Variants in CTNND2 observed in about 807,000 individuals in gnomAD.
CTNND2 encodes the protein catenin delta-2.
A neutral mutation model predicts 144.4 loss-of-function variants in CTNND2; 22 were observed. The observed-to-expected ratio is 0.15, with a 90% CI of 0.11 to 0.22. The LOEUF is 0.22. Among genes scored for constraint, CTNND2 ranks in the 10% least tolerant of loss-of-function variants. The pLI is 1.00. For synonymous variants in CTNND2, 751 were observed against 695.6 expected (o/e 1.08, Z -1.25); for missense variants, 1,353 against 1,618.8 (o/e 0.84, Z 2.82).
At chr5:11,141,391 T>C (rs1431286120) in intron 12 of CTNND2, among the ~76,000 whole-genome samples, 2 of 152,204 alleles carry the variant, frequency 1.3e-5, no homozygotes, top group African/African-American at 4.8e-5. Flanking sequence ...TGGCTTTACC[T>C]GTTTTCTATG....
chr5:11,137,903 T>C (rs1244960203), intron 12 of CTNND2, among the ~76,000 whole-genome samples: 1 of 152,206 alleles, frequency 6.6e-6, no homozygotes, highest in African/African-American at 2.4e-5. Flanking sequence ...CAGACTAAAG[T>C]AACATAAATT....
chr5:11,740,197 T>C lies in CTNND2; in HGVS notation c.38-7925A>G, dbSNP rs1490521146. Among the ~76,000 whole-genome samples, 3 of 152,216 alleles carry C rather than the reference T, an allele frequency of 2.0e-5. No individual in the cohort carries two copies. The East Asian group carries it at 5.8e-4, about 29-fold the overall frequency. On this transcript the variant is annotated intron_variant, in intron 1 of 21. Coordinates refer to ENST00000304623, the MANE Select transcript of CTNND2 (RefSeq NM_001332.4). ...AGAATTGGAAAAAACTACTTTAAAG[T>C]TCATATGGAACCAAAAAAGAGCCCA...
chr5:11,253,285 C>A (rs906862196), intron 9 of CTNND2, among the ~76,000 whole-genome samples: 1 of 152,078 alleles, frequency 6.6e-6, no homozygotes, highest in Non-Finnish European at 1.5e-5. Context: ...TTGTGAGTTA[C>A]CTGTGATTTA....
chr5:11,731,016 T>A (rs962805306), intron 2 of CTNND2, among the ~76,000 whole-genome samples: 1 of 152,144 alleles, frequency 6.6e-6, no homozygotes, highest in Non-Finnish European at 1.5e-5. Flanking sequence ...CAGAAAACTC[T>A]CAAGAGTGAG....
chr5:11,683,107 C>T (rs1408736162), intron 2 of CTNND2, among the ~76,000 whole-genome samples: 2 of 152,176 alleles, frequency 1.3e-5, no homozygotes, highest in Non-Finnish European at 2.9e-5. Context: ...GTTTGCACTG[C>T]TAATTTATCG....
At chr5:11,402,814 G>A (rs558798080) in intron 5 of CTNND2, among the ~76,000 whole-genome samples, 1 of 152,150 alleles carries the variant, frequency 6.6e-6, no homozygotes, top group African/African-American at 2.4e-5. Context: ...TATCTATTTC[G>A]TCTGGTCAGT....
intron 11 of CTNND2, among the ~76,000 whole-genome samples, chr5:11,179,949 C>T (rs1446880631): frequency 6.6e-6 from 1 of 152,178 alleles, no homozygotes; most frequent in African/African-American, 2.4e-5. Flanking sequence ...AAAGGCTCTG[C>T]TCATTGAAGA....
chr5:11,705,343 A>G (rs1259174575), intron 2 of CTNND2, among the ~76,000 whole-genome samples: 1 of 152,228 alleles, frequency 6.6e-6, no homozygotes, highest in Admixed American at 6.5e-5. Flanking sequence ...CATGGGCCAC[A>G]CTTGAGAATA....
intron 12 of CTNND2, among the ~76,000 whole-genome samples, chr5:11,141,180 T>C (rs982180822): frequency 6.6e-6 from 1 of 152,190 alleles, no homozygotes; most frequent in African/African-American, 2.4e-5. Context: ...TCTTGAGCTC[T>C]TGGACTCAAG....
At chr5:11,581,102 C>T (rs1208335566) in intron 2 of CTNND2, among the ~76,000 whole-genome samples, 1 of 152,116 alleles carries the variant, frequency 6.6e-6, no homozygotes, top group African/African-American at 2.4e-5. Flanking sequence ...GCTTTCTTCC[C>T]ATTATGAAAT....
At chr5:11,441,879 T>C (rs1764298096) in intron 3 of CTNND2, among the ~76,000 whole-genome samples, 1 of 152,180 alleles carries the variant, frequency 6.6e-6, no homozygotes. Flanking sequence ...CATAAACCCG[T>C]GCCTTAATTA....
intron 17 of CTNND2, among the ~76,000 whole-genome samples, chr5:11,018,279 G>A (rs959171538): frequency 2.0e-5 from 3 of 152,102 alleles, no homozygotes; most frequent in Non-Finnish European, 2.9e-5. Context: ...TGTTCCGACT[G>A]CTCCACAGAC....
At chr5:11,671,946 C>T (rs1175246694) in intron 2 of CTNND2, among the ~76,000 whole-genome samples, 1 of 152,158 alleles carries the variant, frequency 6.6e-6, no homozygotes, top group Non-Finnish European at 1.5e-5. Flanking sequence ...AAGTCAGTGA[C>T]CTATGGAGGG....
intron 11 of CTNND2, among the ~76,000 whole-genome samples, chr5:11,167,858 C>T (rs2149781995): frequency 6.6e-6 from 1 of 151,130 alleles, no homozygotes; most frequent in East Asian, 1.9e-4. Flanking sequence ...GCACGTGCTA[C>T]CATACCTGAC....
chr5:11,008,991 A>G (rs1740781385), intron 18 of CTNND2, among the ~76,000 whole-genome samples: 1 of 152,252 alleles, frequency 6.6e-6, no homozygotes, highest in Non-Finnish European at 1.5e-5. Context: ...CGCCCATCGC[A>G]TGGGCCCCTT....
At chr5:11,034,103 G>A (rs1174892552) in intron 16 of CTNND2, among the ~76,000 whole-genome samples, 2 of 152,144 alleles carry the variant, frequency 1.3e-5, no homozygotes, top group Admixed American at 6.5e-5. Context: ...GGAAATCCTT[G>A]CAAAATCAGA....
intron 9 of CTNND2, among the ~76,000 whole-genome samples, chr5:11,326,088 A>G (rs1752494602): frequency 6.6e-6 from 1 of 152,168 alleles, no homozygotes; most frequent in Non-Finnish European, 1.5e-5. Flanking sequence ...AACCTGCTGA[A>G]TATGTACACC....
chr5:11,337,674 T>C (rs145999625), intron 9 of CTNND2, among the ~76,000 whole-genome samples: 189 of 152,234 alleles, frequency 1.2e-3, no homozygotes, highest in African/African-American at 4.2e-3. Flanking sequence ...AATGACAACA[T>C]TGCGGATAAT....
chr5:11,022,811 C>T lies in CTNND2; in HGVS notation c.2957G>A (p.Gly986Asp). ...GGAGATGCCGACCAACTTCTCGATG[C>T]CACCGGCATCCCGTAAGGCCTTGGC... Reference protein sequence around the residue: ...ENAKALRDAGGIEKLVGISKS... With the variant: ...ENAKALRDAGDIEKLVGISKS... The change falls in exon 17 of 22, where the codon GGC becomes GAC. Residue 986 changes from glycine to aspartate, a missense_variant. This residue lies in a region of CTNND2 where 459 missense variants were observed against 674.3 expected (regional missense o/e 0.68). Coordinates refer to ENST00000304623, the MANE Select transcript of CTNND2 (RefSeq NM_001332.4). 6.2e-7 allele frequency: 1 copy of T among 1,614,190 alleles called. No homozygotes were observed. The highest frequency in any genetic ancestry group is 8.5e-7 in the Non-Finnish European group (1 of 1,180,028).
Sources: gnomAD v4.1 joint callset for allele counts (sites outside exome capture counted in the v4.1 genomes callset) on GRCh38, gnomAD v4.1.1 for gene constraint, gnomAD v4.1.1 regional missense constraint, MANE v1.5 for transcripts, NCBI Gene and HGNC (gene_info 2026-07-23, HGNC 2026-07-21) for gene names.